COL4A3: variants seen among roughly 807,000 people sequenced by gnomAD.
COL4A3 encodes collagen alpha-3(IV) chain.
In COL4A3, 135 loss-of-function variants were observed where a neutral mutation model predicts 217.4. That is an observed-to-expected ratio of 0.62 (90% CI 0.54 to 0.72). The LOEUF (loss-of-function observed/expected upper bound fraction) is 0.72. COL4A3 is among the 30% of genes least tolerant of loss of function. The pLI, the probability that COL4A3 is intolerant of heterozygous loss-of-function variation, is 0.00. For synonymous variants in COL4A3, 690 were observed against 736.3 expected (o/e 0.94, Z 1.02); for missense variants, 1,868 against 2,119.9 (o/e 0.88, Z 2.33).
intron 23 of COL4A3, 149 bp from the exon 24 acceptor site, chr2:227,269,761 C>A: frequency 1.5e-6 from 1 of 670,948 alleles, no homozygotes; most frequent in Admixed American, 2.2e-5. Context: ...TTATTTACTC[C>A]CATTCTCTTA....
In COL4A3 at chr2:227,250,319, T is replaced by C. The variant is rs913874376; in HGVS notation, c.547-821T>C. On this transcript the variant is annotated intron_variant, in intron 9 of 51. Transcript: ENST00000396578. This position sits in a 1 kb window ranked among gnomAD's most constrained non-coding sequence, Gnocchi z 4.1. ...AGAATGAGACTCTGTCTCAAAAAAA[T>C]AGGTAGATAGATAAAAGATGATAGA... 6.7e-6 allele frequency among the ~76,000 whole-genome samples: 1 copy of C among 149,394 alleles called. No individual in the cohort carries two copies. The highest frequency in any genetic ancestry group is 2.5e-5 in the African/African-American group (1 of 40,372).
At chr2:227,281,994 G>A (rs541688355) in intron 31 of COL4A3, among the ~76,000 whole-genome samples, 74 of 152,258 alleles carry the variant, frequency 4.9e-4, no homozygotes, top group South Asian at 1.0e-3. Context: ...TAAAGTGGCC[G>A]GGTGCAGTGG....
At chr2:227,179,369 A>C (rs1162574128) in intron 1 of COL4A3, among the ~76,000 whole-genome samples, 32 of 152,064 alleles carry the variant, frequency 2.1e-4, no homozygotes. Context: ...AAAATGATGA[A>C]TGCTTCATGA....
chr2:227,259,780 T>G lies in COL4A3; in HGVS notation c.1030-13T>G. On this transcript the variant is annotated splice_polypyrimidine_tract_variant and intron_variant, in intron 18 of 51. Transcript: ENST00000396578. ...GCTATCCTTTCTCTGTATTTGTTTC[T>G]TTCTCCTCTAAGACAGAATATTATG... is the stretch of plus-strand genomic sequence containing the variant. The G allele has an allele frequency of 6.3e-7, 1 of 1,585,286 alleles. No individual in the cohort carries two copies. The highest frequency in any genetic ancestry group is 2.2e-5 in the East Asian group (1 of 44,712).
chr2:227,290,678 CT>C, intron 36 of COL4A3, 68 bp from the exon 37 acceptor site: 1 of 1,524,688 alleles, frequency 6.6e-7, no homozygotes. Flanking sequence ...TTATGTAAAA[CT>C]GAAAAGTAGA....
chr2:227,268,184 G>T (rs1017465960), intron 23 of COL4A3, among the ~76,000 whole-genome samples: 6 of 152,188 alleles, frequency 3.9e-5, no homozygotes, highest in African/African-American at 1.2e-4. Context: ...CCTGTGTGTT[G>T]GGCGCTGTTC....
chr2:227,298,578 C>T, intron 42 of COL4A3, 104 bp from the exon 43 acceptor site: 1 of 1,477,540 alleles, frequency 6.8e-7, no homozygotes, highest in South Asian at 1.2e-5. Flanking sequence ...ATGTTTGTGG[C>T]AATGCTAAGT....
At chr2:227,254,737 C>T (rs2070041116) in intron 15 of COL4A3, 22 bp downstream of exon 15, 1 of 1,589,276 alleles carries the variant, frequency 6.3e-7, no homozygotes, top group African/African-American at 1.3e-5. Context: ...AATTCGGTGT[C>T]ATGTGCAGTT....
chr2:227,287,572 GCAAT>G (rs1342196875), intron 34 of COL4A3, among the ~76,000 whole-genome samples: 1 of 152,142 alleles, frequency 6.6e-6, no homozygotes, highest in African/African-American at 2.4e-5. Flanking sequence ...TTTTTAGATT[GCAAT>G]CAATGACATA....
chr2:227,180,148 A>G (rs902943166), intron 1 of COL4A3, among the ~76,000 whole-genome samples: 2 of 152,188 alleles, frequency 1.3e-5, no homozygotes, highest in Admixed American at 6.5e-5. Flanking sequence ...CAGTGCTTCA[A>G]GGTTTACAGA....
At chr2:227,256,642 AGT>A in intron 17 of COL4A3, 1 of 679,112 alleles carries the variant, frequency 1.5e-6, no homozygotes, top group Non-Finnish European at 2.7e-6. Context: ...GACCAGTGAG[AGT>A]GCAGCTTCCC....
intron 1 of COL4A3, among the ~76,000 whole-genome samples, chr2:227,175,952 C>T (rs1274063217): frequency 1.3e-5 from 2 of 152,212 alleles, no homozygotes; most frequent in Non-Finnish European, 1.5e-5. Context: ...TCTTCAGTCT[C>T]ATTGGGATAG....
At chr2:227,224,608 C>T (rs1051349322) in intron 1 of COL4A3, among the ~76,000 whole-genome samples, 1 of 151,914 alleles carries the variant, frequency 6.6e-6, no homozygotes, top group African/African-American at 2.4e-5. Context: ...AAAAATTAGC[C>T]AGGTGAGGTG....
At chr2:227,218,533 A>G (rs903426430) in intron 1 of COL4A3, among the ~76,000 whole-genome samples, 1 of 152,162 alleles carries the variant, frequency 6.6e-6, no homozygotes, top group Admixed American at 6.5e-5. Flanking sequence ...TAATGATTCC[A>G]TCTCTGTCTT....
chr2:227,205,710 A>ATATTT (rs557701713), intron 1 of COL4A3, among the ~76,000 whole-genome samples: 1 of 149,574 alleles, frequency 6.7e-6, no homozygotes, highest in African/African-American at 2.4e-5. Flanking sequence ...TTCAACAAAT[A>ATATTT]TTTTTTTTTT....
At chr2:227,263,305 C>T (rs1356988734) in intron 20 of COL4A3, among the ~76,000 whole-genome samples, 3 of 152,200 alleles carry the variant, frequency 2.0e-5, no homozygotes, top group Admixed American at 1.3e-4. Context: ...GGGTGGGGTT[C>T]GTGCCACCAG....
At chr2:227,247,432 T>C in intron 7 of COL4A3, 126 bp from the exon 8 acceptor site, 1 of 869,406 alleles carries the variant, frequency 1.2e-6, no homozygotes, top group Non-Finnish European at 2.0e-6. Flanking sequence ...AAGACTTTGC[T>C]TTGTAAGGCC....
intron 37 of COL4A3, 137 bp from the exon 38 acceptor site, chr2:227,293,054 A>T: frequency 8.9e-7 from 1 of 1,126,178 alleles, no homozygotes; most frequent in East Asian, 2.5e-5. Flanking sequence ...CCCAGCACCT[A>T]TCACAGTGCT....
rs767356166 is a variant in COL4A3 at position 227,283,859 on chromosome 2, A to G, written c.2746+3A>G. The G allele has an allele frequency of 6.2e-7, 1 of 1,608,970 alleles. No homozygotes were observed. Among genetic ancestry groups the G allele is most frequent in the Non-Finnish European group, 8.5e-7 (1 of 1,175,346 alleles). ...CCCAGGCACACCAGGGCAGAGGGGT[A>G]AGTGATAGAGTGTCTTTCTAAATAG... is the stretch of plus-strand genomic sequence containing the variant. On this transcript the variant is annotated splice_donor_region_variant and intron_variant, in intron 33 of 51. Coordinates refer to ENST00000396578, the MANE Select transcript of COL4A3 (RefSeq NM_000091.5).
Sources: gnomAD v4.1 joint callset for allele counts (sites outside exome capture counted in the v4.1 genomes callset) on GRCh38, gnomAD v4.1.1 for gene constraint, Gnocchi (gnomAD v3.1) non-coding constraint, MANE v1.5 for transcripts, NCBI Gene and HGNC (gene_info 2026-07-23, HGNC 2026-07-21) for gene names.